CPT1A: variants seen among roughly 807,000 people sequenced by gnomAD.
CPT1A encodes carnitine O-palmitoyltransferase 1, liver isoform.
In CPT1A, 64 loss-of-function variants were observed where a neutral mutation model predicts 100.8. The observed-to-expected ratio is 0.63, with a 90% CI of 0.52 to 0.78. The LOEUF is 0.78. Among genes scored for constraint, CPT1A ranks in the 30% least tolerant of loss-of-function variants. The probability of loss-of-function intolerance (pLI) is 0.00; values close to 1 mark genes in which losing one functional copy is unlikely to be tolerated. For synonymous variants in CPT1A, 363 were observed against 396.0 expected (o/e 0.92, Z 0.99); for missense variants, 802 against 1,034.1 (o/e 0.78, Z 3.08).
intron 1 of CPT1A, among the ~76,000 whole-genome samples, chr11:68,816,470 G>C (rs1345181534): frequency 6.6e-6 from 1 of 152,162 alleles, no homozygotes. Context: ...CCCCTGGGGA[G>C]AGCATCCCCT....
intron 14 of CPT1A, among the ~76,000 whole-genome samples, chr11:68,764,096 C>T (rs1403807891): frequency 6.6e-6 from 1 of 152,140 alleles, no homozygotes; most frequent in Non-Finnish European, 1.5e-5. Context: ...GTGGAGATGA[C>T]GGGATAGTGC....
chr11:68,793,839 C>T (rs1337484236), intron 8 of CPT1A, among the ~76,000 whole-genome samples: 3 of 152,110 alleles, frequency 2.0e-5, no homozygotes, highest in Middle Eastern at 3.4e-3. Context: ...CGAATTGCTT[C>T]GTTTGACTTC....
At chr11:68,839,040 C>A (rs1376317330) in intron 1 of CPT1A, among the ~76,000 whole-genome samples, 1 of 152,144 alleles carries the variant, frequency 6.6e-6, no homozygotes, top group Non-Finnish European at 1.5e-5. Flanking sequence ...TTTAAACAAA[C>A]AATCTCGAAC....
At chr11:68,782,012 C>T (rs770109982) in intron 10 of CPT1A, 53 bp from the exon 11 acceptor site, 28 of 1,507,880 alleles carry the variant, frequency 1.9e-5, no homozygotes, top group African/African-American at 5.5e-5. Flanking sequence ...AGCGATGGAG[C>T]GTGATGTTTG....
At position 68,762,396 on chromosome 11, in the gene CPT1A, G is replaced by A. The variant is rs528311737; in HGVS notation, c.1875+231C>T. ...ACTCTCAGGAAGTAGAATATGATTTGGAGAAGTATCATTTGTAACATGCGT... is the reference window on the plus strand; with the variant it reads ...ACTCTCAGGAAGTAGAATATGATTTAGAGAAGTATCATTTGTAACATGCGT... On this transcript the variant is annotated intron_variant, in intron 15 of 18. Coordinates refer to ENST00000265641, the MANE Select transcript of CPT1A (RefSeq NM_001876.4). 2.6e-5 allele frequency among the ~76,000 whole-genome samples: 4 copies of A among 152,282 alleles called. No individual in the cohort carries two copies. The South Asian group carries it at 8.3e-4, about 32-fold the overall frequency.
At chr11:68,764,814 C>T (rs751036684) in intron 14 of CPT1A, among the ~76,000 whole-genome samples, 1 of 152,268 alleles carries the variant, frequency 6.6e-6, no homozygotes, top group Admixed American at 6.5e-5. Context: ...ACAAGAGCAG[C>T]GGCTTTGCAG....
At chr11:68,823,581 G>T (rs2154002002) in intron 1 of CPT1A, among the ~76,000 whole-genome samples, 1 of 152,060 alleles carries the variant, frequency 6.6e-6, no homozygotes, top group East Asian at 2.0e-4. Flanking sequence ...CTGAGGTCAG[G>T]AGTTCGAGAA....
At chr11:68,795,744 T>C (rs1855739102) in intron 7 of CPT1A, among the ~76,000 whole-genome samples, 1 of 151,964 alleles carries the variant, frequency 6.6e-6, no homozygotes, top group South Asian at 2.1e-4. Flanking sequence ...ACCCCGTTTC[T>C]ACTAAAAATA....
chr11:68,843,737 G>A (rs556482197), upstream of CPT1A, among the ~76,000 whole-genome samples: 1 of 152,336 alleles, frequency 6.6e-6, no homozygotes, highest in South Asian at 2.1e-4. The surrounding 1 kb of genome is among the most constrained non-coding windows in gnomAD (Gnocchi z 4.0). Flanking sequence ...CTCGACCCCC[G>A]CAGATTTCAC....
intron 1 of CPT1A, among the ~76,000 whole-genome samples, chr11:68,829,839 CA>C (rs1856835113): frequency 6.6e-6 from 1 of 151,814 alleles, no homozygotes; most frequent in African/African-American, 2.4e-5. Context: ...TCCACCACAC[CA>C]AAAACAACAC....
upstream of CPT1A, among the ~76,000 whole-genome samples, chr11:68,843,063 A>G (rs969889147): frequency 6.6e-6 from 1 of 152,178 alleles, no homozygotes; most frequent in Non-Finnish European, 1.5e-5. The surrounding 1 kb of genome is among the most constrained non-coding windows in gnomAD (Gnocchi z 4.0). Flanking sequence ...TTCTTTCTGT[A>G]TCATTTAGTT....
chr11:68,762,897 C>T (rs1377693268), intron 14 of CPT1A, 136 bp from the exon 15 acceptor site: 2 of 1,105,116 alleles, frequency 1.8e-6, no homozygotes, highest in Non-Finnish European at 2.6e-6. Flanking sequence ...CTTGCTGTTG[C>T]CCAGGCTGGC....
At chr11:68,820,907 C>T (rs987813952) in intron 1 of CPT1A, among the ~76,000 whole-genome samples, 1 of 152,124 alleles carries the variant, frequency 6.6e-6, no homozygotes, top group Non-Finnish European at 1.5e-5. Flanking sequence ...GGACTAGTTG[C>T]AGGACCCCCA....
intron 1 of CPT1A, among the ~76,000 whole-genome samples, chr11:68,835,043 C>T (rs1856974837): frequency 6.6e-6 from 1 of 151,822 alleles, no homozygotes; most frequent in Non-Finnish European, 1.5e-5. Context: ...CCTTATAGTG[C>T]ACCACGTCAA....
At chr11:68,818,121 G>A (rs1002403410) in intron 1 of CPT1A, among the ~76,000 whole-genome samples, 1 of 152,228 alleles carries the variant, frequency 6.6e-6, no homozygotes, top group Admixed American at 6.5e-5. Flanking sequence ...AGCTGAGGCT[G>A]TCTTCCAGGA....
chr11:68,842,184 A>G (rs924470634), upstream of CPT1A, among the ~76,000 whole-genome samples: 3 of 152,110 alleles, frequency 2.0e-5, no homozygotes, highest in Non-Finnish European at 4.4e-5. Context: ...TGCCTGGCTG[A>G]TCCTCGCGAC....
intron 17 of CPT1A, among the ~76,000 whole-genome samples, chr11:68,759,953 C>T (rs1282799945): frequency 6.6e-6 from 1 of 152,090 alleles, no homozygotes; most frequent in Non-Finnish European, 1.5e-5. Context: ...GTGGGAGGAT[C>T]ACCTGAGATG....
At chr11:68,789,681 C>T (rs867481744) in intron 9 of CPT1A, among the ~76,000 whole-genome samples, 4 of 152,124 alleles carry the variant, frequency 2.6e-5, no homozygotes, top group African/African-American at 4.8e-5. Context: ...GGATTACAGG[C>T]GTGAGCCACC....
In CPT1A at chr11:68,829,207, T is replaced by TC. The variant is rs1157782110; in HGVS notation, c.-14+12567dup. On this transcript the variant is annotated intron_variant, in intron 1 of 18. Transcript: ENST00000265641. ...GATGTGAAGGTCCCCGGGCCGCGTG[T>TC]CCCACCAGCAACACGTCTGCTCTAC... is the stretch of plus-strand genomic sequence containing the variant. Among the ~76,000 whole-genome samples the TC allele has an allele frequency of 3.9e-5, 6 of 152,108 alleles. 1 individual carries two copies. The East Asian group carries it at 1.2e-3, about 29-fold the overall frequency.
Sources: gnomAD v4.1 joint callset for allele counts (sites outside exome capture counted in the v4.1 genomes callset) on GRCh38, gnomAD v4.1.1 for gene constraint, Gnocchi (gnomAD v3.1) non-coding constraint, MANE v1.5 for transcripts, NCBI Gene and HGNC (gene_info 2026-07-23, HGNC 2026-07-21) for gene names.